Variants in RNLS observed in about 807,000 individuals in gnomAD.
RNLS encodes renalase, FAD dependent amine oxidase.
RNLS carries 39 observed loss-of-function variants against 39.8 expected under a neutral mutation model. The ratio of observed to expected loss-of-function variants is 0.98; its 90% CI spans 0.76 to 1.28. RNLS has a LOEUF of 1.28. Among genes scored for constraint, RNLS ranks in the 50% most tolerant of loss-of-function variants. The probability of loss-of-function intolerance (pLI) is 0.00; values close to 1 mark genes in which losing one functional copy is unlikely to be tolerated. For missense variants in RNLS, 410 were observed against 413.3 expected, an observed-to-expected ratio of 0.99 and a Z score of 0.07; for synonymous variants, 147 against 150.7, an observed-to-expected ratio of 0.98 and a Z score of 0.18.
At chr10:88,254,031 T>A in the RNLS span, among the ~76,000 whole-genome samples, 3 of 152,304 alleles carry the variant, frequency 2.0e-5, no homozygotes, top group South Asian at 6.2e-4. Flanking sequence ...TAAAAGTGAG[T>A]TTAGTTATGA....
intron 6 of RNLS, among the ~76,000 whole-genome samples, chr10:88,293,780 C>A (rs527326970): frequency 2.0e-5 from 3 of 152,210 alleles, no homozygotes; most frequent in African/African-American, 7.2e-5. Context: ...GAATGTTTTC[C>A]ATGAAAGGGA....
intron 5 of RNLS, among the ~76,000 whole-genome samples, chr10:88,331,726 T>C (rs1486502089): frequency 3.3e-5 from 5 of 152,170 alleles, no homozygotes; most frequent in Non-Finnish European, 5.9e-5. Flanking sequence ...AGGTTGATGA[T>C]ACGTTTGCCC....
intron 5 of RNLS, among the ~76,000 whole-genome samples, chr10:88,359,034 C>T (rs767631049): frequency 3.9e-5 from 6 of 152,132 alleles, no homozygotes; most frequent in Admixed American, 6.6e-5. Context: ...ATCTCCTGGC[C>T]GGGTACAGTG....
At chr10:88,517,368 A>G (rs1210690969) in intron 4 of RNLS, among the ~76,000 whole-genome samples, 1 of 151,960 alleles carries the variant, frequency 6.6e-6, no homozygotes, top group East Asian at 1.9e-4. Context: ...TGTCCATAAC[A>G]CTGGTTATAA....
chr10:88,194,017 A>G, the RNLS span, among the ~76,000 whole-genome samples: 1 of 152,196 alleles, frequency 6.6e-6, no homozygotes, highest in East Asian at 1.9e-4. Context: ...TTCTAAGCTT[A>G]CTAAATATGA....
Position 88,581,618 on chromosome 10 carries a change from C to A in RNLS, c.316G>T (p.Val106Leu), listed in dbSNP as rs1436716799. ...ATTGAAGAAATTCCTTGAGGTGCCA[C>A]AAAGTTACAGTCTCCTTCTTTCATC... ...MVMKEGDCNF[V>L]APQGISSIIK... The change falls in exon 3 of 7, where the codon GTG becomes TTG. Residue 106 changes from valine (V) to leucine (L), a missense_variant. Coordinates refer to ENST00000331772, the MANE Select transcript of RNLS (RefSeq NM_001031709.3). 6.2e-7 allele frequency: 1 copy of A among 1,609,234 alleles called. No homozygotes were observed. The highest frequency in any genetic ancestry group is 1.1e-5 in the South Asian group (1 of 90,222).
chr10:88,394,627 T>A (rs368710325), intron 4 of RNLS, among the ~76,000 whole-genome samples: 1 of 152,032 alleles, frequency 6.6e-6, no homozygotes, highest in South Asian at 2.1e-4. Context: ...ATTGTGGAAG[T>A]CAGTGTGGCG....
intron 4 of RNLS, among the ~76,000 whole-genome samples, chr10:88,373,942 T>C (rs1053355093): frequency 5.9e-5 from 9 of 152,216 alleles, no homozygotes; most frequent in Non-Finnish European, 7.4e-5. Context: ...TATAATAATA[T>C]AATGTGATGT....
chr10:88,493,091 A>G (rs1311170333), intron 4 of RNLS, among the ~76,000 whole-genome samples: 1 of 151,936 alleles, frequency 6.6e-6, no homozygotes, highest in Non-Finnish European at 1.5e-5. Flanking sequence ...AGTATAATGG[A>G]CTCCTATTTC....
Position 88,284,863 on chromosome 10 carries a change from G to A in RNLS, c.*491C>T. 2 of 985,454 alleles carry A rather than the reference G, an allele frequency of 2.0e-6. No individual in the cohort carries two copies. The highest frequency in any genetic ancestry group is 2.4e-6 in the Non-Finnish European group (2 of 829,996). The allele number at this position is 985,454 out of a possible 1,614,324, so 61.0% of individuals were successfully genotyped here. A position where few individuals can be genotyped will look rare whatever the true frequency, so the allele number is the denominator to read the frequency against. The stretch of plus-strand genomic sequence containing the variant: ...ACTTAATAACTTGGGGGATAAATGA[G>A]AAATAAGAATTACACTCTGTTACCT... On this transcript the variant is annotated 3_prime_UTR_variant, in exon 7 of 7. Coordinates refer to ENST00000331772, the MANE Select transcript of RNLS (RefSeq NM_001031709.3).
At position 88,285,002 on chromosome 10, in the gene RNLS, A is replaced by T; in HGVS notation, c.*352T>A. 1 of 998,484 alleles carries T rather than the reference A, an allele frequency of 1.0e-6. No individual in the cohort carries two copies. Among genetic ancestry groups the T allele is most frequent in the African/African-American group, 1.7e-5 (1 of 57,836 alleles). 61.9% of individuals were successfully genotyped at this position (998,484 alleles called of 1,614,324 possible). A position where few individuals can be genotyped will look rare whatever the true frequency, so the allele number is the denominator to read the frequency against. On this transcript the variant is annotated 3_prime_UTR_variant, in exon 7 of 7. Coordinates refer to ENST00000331772, the MANE Select transcript of RNLS (RefSeq NM_001031709.3). ...TGATTATTCTTTATTCAGAATTGAAATTTTCATAAGGATAATCAAGTTTTT... is the reference window on the plus strand; with the variant it reads ...TGATTATTCTTTATTCAGAATTGAATTTTTCATAAGGATAATCAAGTTTTT...
intron 4 of RNLS, among the ~76,000 whole-genome samples, chr10:88,491,420 G>C (rs1844870091): frequency 6.6e-6 from 1 of 152,112 alleles, no homozygotes; most frequent in African/African-American, 2.4e-5. Flanking sequence ...ATACAAGGGA[G>C]CTTCTAAATG....
intron 4 of RNLS, among the ~76,000 whole-genome samples, chr10:88,548,289 A>AAG (rs1848434068): frequency 5.0e-5 from 4 of 80,288 alleles, no homozygotes; most frequent in African/African-American, 1.3e-4. Flanking sequence ...AAAAAAAAAA[A>AAG]AAAAGAAAAG....
chr10:88,464,219 T>C (rs1843086402), intron 4 of RNLS, among the ~76,000 whole-genome samples: 1 of 152,102 alleles, frequency 6.6e-6, no homozygotes, highest in South Asian at 2.1e-4. Context: ...AGCAGAAAGC[T>C]TGTAGAAACA....
intron 4 of RNLS, among the ~76,000 whole-genome samples, chr10:88,443,279 C>T (rs1589801003): frequency 6.6e-6 from 1 of 152,312 alleles, no homozygotes; most frequent in Middle Eastern, 3.4e-3. Flanking sequence ...TTATATGACA[C>T]CACCCTCCTG....
At chr10:88,274,150 T>C (rs982042147) in exon 7 of RNLS, 2 of 152,244 alleles carry the variant, frequency 1.3e-5, no homozygotes, top group Admixed American at 1.3e-4. Flanking sequence ...CTCCTCTTTG[T>C]AAGTATAAGA....
intron 4 of RNLS, among the ~76,000 whole-genome samples, chr10:88,481,315 A>G (rs1844154451): frequency 6.6e-6 from 1 of 152,138 alleles, no homozygotes; most frequent in Non-Finnish European, 1.5e-5. Context: ...ACATTTAATT[A>G]TCATGGCTGG....
the RNLS span, among the ~76,000 whole-genome samples, chr10:88,263,001 C>G: frequency 6.6e-6 from 1 of 152,116 alleles, no homozygotes; most frequent in African/African-American, 2.4e-5. Context: ...ACTATTTCCT[C>G]TCTTAGGGCC....
In RNLS at chr10:88,419,315, G is replaced by T. The variant is rs564134274; in HGVS notation, c.527-56590C>A. Among the ~76,000 whole-genome samples, 4 of 152,220 alleles carry T rather than the reference G, an allele frequency of 2.6e-5. 1 individual carries two copies. The highest frequency in any genetic ancestry group is 4.8e-5 in the African/African-American group (2 of 41,540). The stretch of plus-strand genomic sequence containing the variant: ...ACCCAGAACTAACTCTAGCCAAAAG[G>T]AATCTAGAAACATAATGCAAGAATT... On this transcript the variant is annotated intron_variant, in intron 4 of 6. Coordinates refer to ENST00000331772, the MANE Select transcript of RNLS (RefSeq NM_001031709.3).
Sources: gnomAD v4.1 joint callset for allele counts (sites outside exome capture counted in the v4.1 genomes callset) on GRCh38, gnomAD v4.1.1 for gene constraint, MANE v1.5 for transcripts, NCBI Gene and HGNC (gene_info 2026-07-23, HGNC 2026-07-21) for gene names.